GALC: variants seen among roughly 807,000 people sequenced by gnomAD.
GALC encodes the protein galactocerebrosidase.
A neutral mutation model predicts 91.8 loss-of-function variants in GALC; 77 were observed. That is an observed-to-expected ratio of 0.84 (90% CI 0.70 to 1.01). The LOEUF (loss-of-function observed/expected upper bound fraction) is 1.01. GALC is among the 50% of genes least tolerant of loss of function. The probability of loss-of-function intolerance (pLI) is 0.00; values close to 1 mark genes in which losing one functional copy is unlikely to be tolerated. For synonymous variants in GALC, 357 were observed against 306.7 expected (o/e 1.16, Z -1.71); for missense variants, 882 against 855.9 (o/e 1.03, Z -0.38).
At chr14:87,949,253 T>C (rs888273473) in intron 12 of GALC, among the ~76,000 whole-genome samples, 2 of 152,004 alleles carry the variant, frequency 1.3e-5, no homozygotes, top group Non-Finnish European at 2.9e-5. Flanking sequence ...AAGTTTAGTA[T>C]GTGAAGAGAG....
chr14:87,992,924 GCGGGCTCTTGCCGCCCC>G, intron 1 of GALC, 29 bp downstream of exon 1: 1 of 1,489,528 alleles, frequency 6.7e-7, no homozygotes, highest in African/African-American at 1.5e-5. Flanking sequence ...GCCCCACGGG[GCGGGCTCTTGCCGCCCC>G]CCGCGTATCC....
At chr14:87,969,776 T>C (rs1359915407) in intron 7 of GALC, among the ~76,000 whole-genome samples, 2 of 152,226 alleles carry the variant, frequency 1.3e-5, no homozygotes, top group Non-Finnish European at 2.9e-5. Context: ...AAATCCTATT[T>C]GGTAATTCTT....
chr14:87,957,332 C>A (rs900820994), intron 10 of GALC, among the ~76,000 whole-genome samples: 2 of 151,946 alleles, frequency 1.3e-5, no homozygotes, highest in Admixed American at 1.3e-4. Flanking sequence ...TTTGCCTAGG[C>A]CAATGTACAG....
chr14:87,946,446 C>G (rs1250057723), intron 13 of GALC, among the ~76,000 whole-genome samples: 3 of 151,980 alleles, frequency 2.0e-5, no homozygotes, highest in Non-Finnish European at 4.4e-5. Context: ...TTTTTGCATT[C>G]ATTACCTCAT....
At chr14:87,992,899 G>C in intron 1 of GALC, 71 bp downstream of exon 1, 1 of 1,444,274 alleles carries the variant, frequency 6.9e-7, no homozygotes, top group South Asian at 1.4e-5. Context: ...AACGCCGCGG[G>C]GGCTTGTGGG....
Position 87,968,412 on chromosome 14 carries a change from G to A in GALC, c.831C>T (p.Ser277=). ...GKKLWSSEDF[S]TLNSDMGAGC... ...CTGCACCCATGTCACTATTTAAAGT[G>A]CTAAAGTCTTCAGAAGACCAAAGCT... Residue 277 remains serine (S), a synonymous_variant, in exon 8 of 17, where the codon AGC becomes AGT. Coordinates refer to ENST00000261304, the MANE Select transcript of GALC (RefSeq NM_000153.4). 6.2e-7 allele frequency: 1 copy of A among 1,613,602 alleles called. No individual in the cohort carries two copies. The highest frequency in any genetic ancestry group is 1.1e-5 in the South Asian group (1 of 91,074).
chr14:87,988,115 G>A (rs1283084011), intron 3 of GALC, 29 bp downstream of exon 3: 2 of 1,567,362 alleles, frequency 1.3e-6, no homozygotes, highest in Non-Finnish European at 1.8e-6. Flanking sequence ...ATGTTGATGG[G>A]AGAAATCCTA....
At position 87,986,426 on chromosome 14, in the gene GALC, G is replaced by A. The variant is rs188426976; in HGVS notation, c.442+63C>T. 33 of 1,010,102 alleles carry A rather than the reference G, an allele frequency of 3.3e-5. 1 individual carries two copies. In the East Asian group the frequency reaches 5.8e-4, roughly 18 times the overall value. 62.6% of individuals were successfully genotyped at this position (1,010,102 alleles called of 1,614,324 possible). A position where few individuals can be genotyped will look rare whatever the true frequency, so the allele number is the denominator to read the frequency against. On this transcript the variant is annotated intron_variant, in intron 4 of 16. Transcript: ENST00000261304. The stretch of plus-strand genomic sequence containing the variant: ...GTATTAATAGAGATTCCACCAACAC[G>A]ATTCAGAATTTAAAAGTTAAAGGAA...
Position 87,934,757 on chromosome 14 carries a change from T to C in GALC, c.2033A>G (p.Asn678Ser). ...TTAGCGTGTGGCTTCCACAAGAAAGTTGTCAAACTGTGCAAATTCAAAGGA... is the reference window on the plus strand; with the variant it reads ...TTAGCGTGTGGCTTCCACAAGAAAGCTGTCAAACTGTGCAAATTCAAAGGA... ...THSFEFAQFD[N>S]FLVEATR Residue 678 changes from asparagine to serine, a missense_variant, in exon 17 of 17, where the codon AAC becomes AGC. Asn to Ser is a conservative substitution (Grantham distance 46). Transcript: ENST00000261304. 6.2e-7 allele frequency: 1 copy of C among 1,613,240 alleles called. No individual in the cohort carries two copies. Among genetic ancestry groups the C allele is most frequent in the Non-Finnish European group, 8.5e-7 (1 of 1,179,468 alleles).
intron 8 of GALC, among the ~76,000 whole-genome samples, chr14:87,965,837 T>C (rs1008630535): frequency 3.3e-5 from 5 of 152,202 alleles, no homozygotes; most frequent in African/African-American, 7.2e-5. Context: ...ATATTTTTAA[T>C]GGTGAATCAC....
chr14:87,965,485 G>A lies in GALC; in HGVS notation c.1033+20C>T, dbSNP rs1226320589. ...TCTTAGAGAAGAATTTAGGGAGTGA[G>A]AGATGGAACTGAACCATACCTGATA... is the stretch of plus-strand genomic sequence containing the variant. On this transcript the variant is annotated intron_variant, in intron 9 of 16. Transcript: ENST00000261304. 10 of 1,612,454 alleles carry A rather than the reference G, an allele frequency of 6.2e-6. No individual in the cohort carries two copies. Among genetic ancestry groups the A allele is most frequent in the Non-Finnish European group, 8.5e-6 (10 of 1,178,856 alleles).
In GALC at chr14:87,934,816, A is replaced by C; in HGVS notation, c.1974T>G (p.Phe658Leu). Residue 658 changes from phenylalanine to leucine, a missense_variant, in exon 17 of 17, where the codon TTT becomes TTG. By Grantham distance (22) the Phe-to-Leu change is conservative (BLOSUM62 0). Coordinates refer to ENST00000261304, the MANE Select transcript of GALC (RefSeq NM_000153.4). ...KSLWTDIPVNFPKNGWAAIGT... is the reference protein window; with the variant it reads ...KSLWTDIPVNLPKNGWAAIGT... Reference sequence around the variant, plus strand: ...CAATTGCAGCCCAGCCATTCTTTGGAAAATTCACAGGGATGTCTGTCCACA... The same window carrying C: ...CAATTGCAGCCCAGCCATTCTTTGGCAAATTCACAGGGATGTCTGTCCACA... 1.2e-6 allele frequency: 2 copies of C among 1,613,160 alleles called. No individual in the cohort carries two copies. Among genetic ancestry groups the C allele is most frequent in the Non-Finnish European group, 1.7e-6 (2 of 1,179,386 alleles).
chr14:87,964,261 T>G (rs1239614704), intron 9 of GALC, among the ~76,000 whole-genome samples: 1 of 152,128 alleles, frequency 6.6e-6, no homozygotes, highest in Non-Finnish European at 1.5e-5. Context: ...AATATCATGA[T>G]TACATGATTA....
intron 1 of GALC, chr14:87,992,305 C>A (rs1377644945): frequency 1.3e-6 from 2 of 1,535,598 alleles, no homozygotes; most frequent in African/African-American, 2.7e-5. Flanking sequence ...CCTTCTCACC[C>A]AAAGGTCGGC....
upstream of GALC, chr14:87,993,438 A>G: frequency 2.0e-6 from 3 of 1,535,830 alleles, no homozygotes; most frequent in East Asian, 2.4e-5. Context: ...GGGAAGGTGG[A>G]TTCCAAGGTC....
At chr14:87,956,690 A>G (rs1315141670) in intron 10 of GALC, among the ~76,000 whole-genome samples, 1 of 151,786 alleles carries the variant, frequency 6.6e-6, no homozygotes, top group Non-Finnish European at 1.5e-5. Flanking sequence ...GGTTGATTCC[A>G]TATGTTTCAA....
intron 13 of GALC, 65 bp downstream of exon 13, chr14:87,947,663 G>C (rs1329938555): frequency 1.3e-6 from 2 of 1,482,748 alleles, no homozygotes; most frequent in African/African-American, 2.8e-5. Context: ...CAGTTTGACA[G>C]GTAGAAATCA....
At chr14:87,974,580 G>A (rs770467736) in intron 7 of GALC, among the ~76,000 whole-genome samples, 1 of 151,674 alleles carries the variant, frequency 6.6e-6, no homozygotes, top group Non-Finnish European at 1.5e-5. Flanking sequence ...GGACAAAATC[G>A]TTAAGATACA....
chr14:87,954,400 A>G, intron 10 of GALC: 1 of 1,598,050 alleles, frequency 6.3e-7, no homozygotes, highest in South Asian at 1.1e-5. Flanking sequence ...ATGTGCTTGT[A>G]TTATGGAGTC....
Sources: gnomAD v4.1 joint callset for allele counts (sites outside exome capture counted in the v4.1 genomes callset) on GRCh38, gnomAD v4.1.1 for gene constraint, MANE v1.5 for transcripts, NCBI Gene and HGNC (gene_info 2026-07-23, HGNC 2026-07-21) for gene names.